The following CHIC1 variants were observed in gnomAD, a reference collection of about 807,000 sequenced individuals.
The protein encoded by CHIC1 is cysteine rich hydrophobic domain 1.
CHIC1 carries 7 observed loss-of-function variants against 18.5 expected under a neutral mutation model. That is an observed-to-expected ratio of 0.38 (90% CI 0.22 to 0.71). The LOEUF (loss-of-function observed/expected upper bound fraction) is 0.71, where lower values mean the gene tolerates loss of function less well. Among genes scored for constraint, CHIC1 ranks in the 30% least tolerant of loss-of-function variants. CHIC1 has a pLI of 0.49. For synonymous variants in CHIC1, 77 were observed against 73.5 expected (o/e 1.05, Z -0.25); for missense variants, 159 against 176.9 (o/e 0.90, Z 0.57).
chrX:73,673,982 C>T (rs1308972560), intron 3 of CHIC1, among the ~76,000 whole-genome samples: 2 of 111,758 alleles, frequency 1.8e-5, no homozygotes, highest in African/African-American at 6.5e-5. Context: ...TTGTCAAAGG[C>T]CTTTTCTGCA....
At chrX:73,583,250 T>C (rs752784757) in intron 2 of CHIC1, among the ~76,000 whole-genome samples, 23 of 111,397 alleles carry the variant, frequency 2.1e-4, no homozygotes, top group Non-Finnish European at 4.0e-4. Context: ...ATATATGTAA[T>C]GTTTAGCTTA....
chrX:73,635,171 T>C (rs2057826284), intron 3 of CHIC1, among the ~76,000 whole-genome samples: 1 of 111,950 alleles, frequency 8.9e-6, no homozygotes, highest in Non-Finnish European at 1.9e-5. Flanking sequence ...ATTCTGTTAA[T>C]GTAGTATATC....
intron 3 of CHIC1, among the ~76,000 whole-genome samples, chrX:73,625,082 T>C (rs750851874): frequency 1.8e-5 from 2 of 110,797 alleles, no homozygotes; most frequent in Non-Finnish European, 3.8e-5. Flanking sequence ...ATCAAAGCCC[T>C]TGGGGCCAAG....
chrX:73,641,245 T>G, intron 3 of CHIC1, among the ~76,000 whole-genome samples: 1 of 111,159 alleles, frequency 9.0e-6, no homozygotes, highest in Non-Finnish European at 1.9e-5. Flanking sequence ...TGAGGATTGT[T>G]TTGTCTGATT....
intron 3 of CHIC1, among the ~76,000 whole-genome samples, chrX:73,673,752 A>C (rs994118978): frequency 1.3e-4 from 14 of 110,989 alleles, no homozygotes; most frequent in South Asian, 3.8e-4. Context: ...CCTTCTCCTG[A>C]CTAATTGCCC....
chrX:73,664,767 A>T (rs1427298119), intron 3 of CHIC1, among the ~76,000 whole-genome samples: 1 of 110,556 alleles, frequency 9.0e-6, no homozygotes, highest in Non-Finnish European at 1.9e-5. Context: ...TCGAATGGGG[A>T]CCCCCTCCCC....
chrX:73,584,565 A>G lies in CHIC1; in HGVS notation c.500A>G (p.Asn167Ser), dbSNP rs1569500691. 8.7e-7 allele frequency: 1 copy of G among 1,145,762 alleles called. No individual in the cohort carries two copies. The highest frequency in any genetic ancestry group is 1.2e-6 in the Non-Finnish European group (1 of 858,735). The allele number at this position is 1,145,762 out of a possible 1,213,427, so 94.4% of individuals were successfully genotyped here. Reference sequence around the variant, plus strand: ...AGCCTATGGCCTGTTATTTGTCTCAACAAAAGAGTGAGTAACTGTTTTATT... The same window carrying G: ...AGCCTATGGCCTGTTATTTGTCTCAGCAAAAGAGTGAGTAACTGTTTTATT... ...GCSLWPVICL[N>S]KRTRRSIQKL... is the part of the protein sequence containing the mutation. Residue 167 changes from asparagine (N) to serine (S), a missense_variant, in exon 3 of 6, where the codon AAC becomes AGC. Transcript: ENST00000373502.
At chrX:73,583,448 G>C (rs1471446141) in intron 2 of CHIC1, among the ~76,000 whole-genome samples, 1 of 110,460 alleles carries the variant, frequency 9.1e-6, no homozygotes, top group Non-Finnish European at 1.9e-5. Context: ...CTGCTAATGC[G>C]GTTTTTATTT....
In CHIC1 at chrX:73,570,522, A is replaced by G. The variant is rs184604662; in HGVS notation, c.297-6885A>G. 2.4e-3 allele frequency among the ~76,000 whole-genome samples: 265 copies of G among 111,275 alleles called. 1 individual carries two copies. Among genetic ancestry groups the G allele is most frequent in the African/African-American group, 8.3e-3 (254 of 30,737 alleles). ...AAAGGAAGAGAGTAATGTGCCATTG[A>G]TAGAAATGAATTTGAAAGGGGGAAC... On this transcript the variant is annotated intron_variant, in intron 1 of 5. Transcript: ENST00000373502.
intron 3 of CHIC1, among the ~76,000 whole-genome samples, chrX:73,645,085 A>G (rs2095681): frequency 0.048 from 5,350 of 112,321 alleles, 324 homozygotes; most frequent in African/African-American, 0.16. Context: ...GCTGTAGACC[A>G]GAGCTGTTCC....
At chrX:73,591,127 T>C (rs150077727) in intron 3 of CHIC1, among the ~76,000 whole-genome samples, 33 of 111,912 alleles carry the variant, frequency 2.9e-4, no homozygotes, top group Middle Eastern at 4.6e-3. Context: ...ATTTTGGCCA[T>C]TCTAAAACGT....
At position 73,679,670 on chromosome X, in the gene CHIC1, A is replaced by G. The variant is rs1488223362; in HGVS notation, c.581A>G (p.Lys194Arg). 2.7e-6 allele frequency: 3 copies of G among 1,128,294 alleles called. No individual in the cohort carries two copies. The highest frequency in any genetic ancestry group is 5.8e-5 in the Admixed American group (2 of 34,662). The allele number at this position is 1,128,294 out of a possible 1,213,427, so 93.0% of individuals were successfully genotyped here. A position where few individuals can be genotyped will look rare whatever the true frequency, so the allele number is the denominator to read the frequency against. Residue 194 changes from lysine (K) to arginine (R), a missense_variant, in exon 5 of 6, where the codon AAG becomes AGG. By Grantham distance (26) the Lys-to-Arg change is conservative. Coordinates refer to ENST00000373502, the MANE Select transcript of CHIC1 (RefSeq NM_001039840.4). ...CTTTCTTAGCTTGCTTTGCACTGGA[A>G]GTTGACTAAGAGGAAATGTGAAACT... Reference protein sequence around the residue: ...RLYHKLALHWKLTKRKCETSN... With the variant: ...RLYHKLALHWRLTKRKCETSN...
chrX:73,645,675 CT>C (rs2057885719), intron 3 of CHIC1, among the ~76,000 whole-genome samples: 1 of 111,394 alleles, frequency 9.0e-6, no homozygotes, highest in Non-Finnish European at 1.9e-5. Flanking sequence ...TGTTGAGCAC[CT>C]TTTTATATAC....
chrX:73,667,622 C>T (rs974636281), intron 3 of CHIC1, among the ~76,000 whole-genome samples: 5 of 111,122 alleles, frequency 4.5e-5, no homozygotes, highest in African/African-American at 6.5e-5. Context: ...TTAGTTTGGC[C>T]GGACATGAAT....
In CHIC1 at chrX:73,628,023, G is replaced by A. The variant is rs146963221; in HGVS notation, c.507+43451G>A. Among the ~76,000 whole-genome samples the A allele has an allele frequency of 3.2e-3, 359 of 111,418 alleles. 2 individuals carry two copies. The highest frequency in any genetic ancestry group is 0.011 in the African/African-American group (336 of 30,625). On this transcript the variant is annotated intron_variant, in intron 3 of 5. Coordinates refer to ENST00000373502, the MANE Select transcript of CHIC1 (RefSeq NM_001039840.4). Reference sequence around the variant, plus strand: ...GTCAGCAGGTGATAAATGTTGCCAGGACTTGGTCCTTTCCTTCAAGGCAGT... The same window carrying A: ...GTCAGCAGGTGATAAATGTTGCCAGAACTTGGTCCTTTCCTTCAAGGCAGT...
rs1325538601 is a variant in CHIC1 at position 73,685,807 on chromosome X, A to G, written c.*4802A>G. 4.5e-5 allele frequency: 5 copies of G among 111,407 alleles called. No homozygotes were observed. Among genetic ancestry groups the G allele is most frequent in the South Asian group, 3.7e-4 (1 of 2,686 alleles). 9.2% of individuals were successfully genotyped at this position (111,407 alleles called of 1,213,427 possible). A position where few individuals can be genotyped will look rare whatever the true frequency, so the allele number is the denominator to read the frequency against. On this transcript the variant is annotated 3_prime_UTR_variant, in exon 6 of 6. Coordinates refer to ENST00000373502, the MANE Select transcript of CHIC1 (RefSeq NM_001039840.4). ...ACAGAATGACTATTGCACTTGGTCT[A>G]TTGTTTTAATAGTAAATTTTGTTAT... is the stretch of plus-strand genomic sequence containing the variant.
chrX:73,644,441 G>A (rs1370020997), intron 3 of CHIC1, among the ~76,000 whole-genome samples: 2 of 112,480 alleles, frequency 1.8e-5, no homozygotes, highest in African/African-American at 6.5e-5. Flanking sequence ...GTCTGCAGAG[G>A]TTACTGCTGT....
chrX:73,604,595 T>G (rs1191680941), intron 3 of CHIC1, among the ~76,000 whole-genome samples: 1 of 108,676 alleles, frequency 9.2e-6, no homozygotes, highest in Non-Finnish European at 1.9e-5. Context: ...AATTGTGATT[T>G]TAGGGTATGA....
chrX:73,630,435 G>A (rs2057801845), intron 3 of CHIC1, among the ~76,000 whole-genome samples: 1 of 110,928 alleles, frequency 9.0e-6, no homozygotes, highest in Non-Finnish European at 1.9e-5. Context: ...TATATGTTGA[G>A]AATTTTTATT....
Sources: gnomAD v4.1 joint callset for allele counts (sites outside exome capture counted in the v4.1 genomes callset) on GRCh38, gnomAD v4.1.1 for gene constraint, MANE v1.5 for transcripts, NCBI Gene and HGNC (gene_info 2026-07-23, HGNC 2026-07-21) for gene names.